FGGY: variants seen among roughly 807,000 people sequenced by gnomAD.
The protein encoded by FGGY is FGGY carbohydrate kinase domain-containing protein.
FGGY carries 72 observed loss-of-function variants against 71.3 expected under a neutral mutation model. The ratio of observed to expected loss-of-function variants is 1.01; its 90% CI spans 0.84 to 1.23. The LOEUF (loss-of-function observed/expected upper bound fraction) is 1.23. Among genes scored for constraint, FGGY ranks in the 50% most tolerant of loss-of-function variants. FGGY has a pLI of 0.00. For missense variants in FGGY, 668 were observed against 682.3 expected (o/e 0.98, Z 0.23); for synonymous variants, 251 against 250.3 (o/e 1.00, Z -0.02).
In FGGY at chr1:59,607,840, G is replaced by A. The variant is rs1325643052; in HGVS notation, c.941G>A (p.Gly314Glu). Reference protein sequence around the residue: ...KDPIFVPGVWGPYFSAMVPGF... With the variant: ...KDPIFVPGVWEPYFSAMVPGF... The stretch of plus-strand genomic sequence containing the variant: ...CCGATTTTTGTACCAGGCGTCTGGG[G>A]GCCTTATTTCTCAGCCATGGTACCT... The change falls in exon 9 of 16, where the codon GGG becomes GAG. Residue 314 changes from glycine to glutamate, a missense_variant. Gly to Glu is a moderately conservative substitution (Grantham distance 98, BLOSUM62 -2). Transcript: ENST00000303721. 6.2e-7 allele frequency: 1 copy of A among 1,613,886 alleles called. No homozygotes were observed. Among genetic ancestry groups the A allele is most frequent in the African/African-American group, 1.3e-5 (1 of 74,888 alleles).
intron 15 of FGGY, among the ~76,000 whole-genome samples, chr1:59,761,379 T>G (rs2098339261): frequency 6.6e-6 from 1 of 152,168 alleles, no homozygotes; most frequent in African/African-American, 2.4e-5. Context: ...CCTGTGTGTA[T>G]CCAAGGTTAC....
At chr1:59,339,710 A>T (rs2050278116) in intron 2 of FGGY, among the ~76,000 whole-genome samples, 1 of 151,064 alleles carries the variant, frequency 6.6e-6, no homozygotes, top group African/African-American at 2.5e-5. Flanking sequence ...TGATCTACCC[A>T]CTTCGGCCTC....
intron 5 of FGGY, among the ~76,000 whole-genome samples, chr1:59,383,012 C>A (rs962328300): frequency 1.3e-5 from 2 of 152,098 alleles, no homozygotes; most frequent in Non-Finnish European, 2.9e-5. Context: ...ATATGACTTA[C>A]CGGCTTTGAT....
chr1:59,551,122 G>A (rs1365947070), intron 7 of FGGY, among the ~76,000 whole-genome samples: 1 of 152,130 alleles, frequency 6.6e-6, no homozygotes, highest in Non-Finnish European at 1.5e-5. Flanking sequence ...GGTGGAGAGA[G>A]TGATGGTAGT....
At chr1:59,365,671 C>G (rs1331753080) in intron 4 of FGGY, among the ~76,000 whole-genome samples, 1 of 152,186 alleles carries the variant, frequency 6.6e-6, no homozygotes, top group African/African-American at 2.4e-5. Context: ...GTCTTGGTCC[C>G]TTCCTGGGCT....
intron 8 of FGGY, among the ~76,000 whole-genome samples, chr1:59,576,677 GACACACACAC>G (rs57817494): frequency 1.9e-4 from 25 of 130,128 alleles, no homozygotes; most frequent in Admixed American, 7.1e-4. Flanking sequence ...CAGACAGACA[GACACACACAC>G]ACACACACAC....
chr1:59,745,484 C>G (rs774753050), intron 14 of FGGY, among the ~76,000 whole-genome samples: 5 of 152,178 alleles, frequency 3.3e-5, no homozygotes, highest in Non-Finnish European at 7.3e-5. Context: ...GATCTGCTGG[C>G]CAAAGGATCA....
intron 9 of FGGY, among the ~76,000 whole-genome samples, chr1:59,614,601 C>T (rs1342156092): frequency 6.6e-6 from 1 of 152,128 alleles, no homozygotes; most frequent in African/African-American, 2.4e-5. Flanking sequence ...GACAGGGATG[C>T]CCTCTCTCAC....
At chr1:59,725,350 C>G (rs537306486) in intron 14 of FGGY, among the ~76,000 whole-genome samples, 2 of 152,172 alleles carry the variant, frequency 1.3e-5, no homozygotes, top group African/African-American at 4.8e-5. Flanking sequence ...CTTTCCCCAA[C>G]CTTACACTGT....
At chr1:59,677,401 G>A (rs774052652) in intron 14 of FGGY, among the ~76,000 whole-genome samples, 18 of 152,168 alleles carry the variant, frequency 1.2e-4, no homozygotes, top group Non-Finnish European at 1.6e-4. Flanking sequence ...ACATCTGGTG[G>A]TTAGATGGAG....
At position 59,538,822 on chromosome 1, in the gene FGGY, A is replaced by G. The variant is rs549635396; in HGVS notation, c.800-15302A>G. Among the ~76,000 whole-genome samples, 40 of 126,914 alleles carry G rather than the reference A, an allele frequency of 3.2e-4. 2 individuals are homozygous for G. In the South Asian group the frequency reaches 0.01, roughly 33 times the overall value. The allele number at this position is 126,914 out of a possible 152,430, so 83.3% of individuals were successfully genotyped here. A position where few individuals can be genotyped will look rare whatever the true frequency, so the allele number is the denominator to read the frequency against. ...AGAACACATGGACACAGGAAGGGGA[A>G]CATCACACTTTGGGGACTGTTGTGG... is the stretch of plus-strand genomic sequence containing the variant. On this transcript the variant is annotated intron_variant, in intron 7 of 15. Coordinates refer to ENST00000303721, the MANE Select transcript of FGGY (RefSeq NM_018291.5).
intron 1 of FGGY, among the ~76,000 whole-genome samples, chr1:59,303,641 G>A (rs1195834783): frequency 6.6e-6 from 1 of 151,972 alleles, no homozygotes; most frequent in Non-Finnish European, 1.5e-5. Flanking sequence ...TATATCATAT[G>A]GTAGTTCTAT....
chr1:59,521,075 A>C (rs779769788), intron 7 of FGGY, among the ~76,000 whole-genome samples: 3 of 151,982 alleles, frequency 2.0e-5, no homozygotes, highest in Non-Finnish European at 4.4e-5. Context: ...CATGCCGTGG[A>C]ATCTGGAAGG....
intron 8 of FGGY, among the ~76,000 whole-genome samples, chr1:59,576,578 C>A (rs1042672642): frequency 1.3e-5 from 2 of 151,838 alleles, no homozygotes; most frequent in Non-Finnish European, 2.9e-5. Flanking sequence ...AATAAATAAG[C>A]ATTCTCATCT....
At chr1:59,640,153 A>G (rs1170789937) in intron 11 of FGGY, among the ~76,000 whole-genome samples, 2 of 152,200 alleles carry the variant, frequency 1.3e-5, no homozygotes. Context: ...GTTCTTGGCA[A>G]TGATTCCCTT....
Position 59,554,249 on chromosome 1 carries a change from G to T in FGGY, c.903+22G>T. The T allele has an allele frequency of 2.5e-6, 4 of 1,590,152 alleles. No individual in the cohort carries two copies. The South Asian group carries it at 3.3e-5, about 13-fold the overall frequency. ...GGGGGTGAGTCCACTGAGCACAAAG[G>T]CAAGGCCACCACACAGCAGGAGGTA... On this transcript the variant is annotated intron_variant, in intron 8 of 15. Coordinates refer to ENST00000303721, the MANE Select transcript of FGGY (RefSeq NM_018291.5).
chr1:59,757,716 G>A (rs1018296989), intron 14 of FGGY, among the ~76,000 whole-genome samples: 1 of 152,144 alleles, frequency 6.6e-6, no homozygotes, highest in Non-Finnish European at 1.5e-5. Context: ...AGCCCAGGAG[G>A]TGTGGTCATA....
At chr1:59,524,264 C>G (rs906509489) in intron 7 of FGGY, among the ~76,000 whole-genome samples, 1 of 152,184 alleles carries the variant, frequency 6.6e-6, no homozygotes, top group Non-Finnish European at 1.5e-5. Context: ...TGGGCGCCAA[C>G]GAGCATGGCA....
chr1:59,302,767 A>T (rs925548359), intron 1 of FGGY, among the ~76,000 whole-genome samples: 1 of 152,190 alleles, frequency 6.6e-6, no homozygotes, highest in Non-Finnish European at 1.5e-5. Context: ...ATAAAATTGA[A>T]CTTTATTCAG....
Sources: allele counts gnomAD v4.1 joint callset (sites outside exome capture counted in the v4.1 genomes callset), GRCh38; gene constraint gnomAD v4.1.1; transcripts MANE v1.5; gene names NCBI Gene and HGNC (gene_info 2026-07-23, HGNC 2026-07-21).